The following COX15 variants were observed in gnomAD, a reference collection of about 807,000 sequenced individuals.
COX15 encodes cytochrome c oxidase assembly factor COX15.
COX15 carries 51 observed loss-of-function variants against 51.9 expected under a neutral mutation model. The observed-to-expected ratio is 0.98, with a 90% CI of 0.78 to 1.24. COX15 has a LOEUF of 1.24. COX15 is among the 50% of genes most tolerant of loss of function. The pLI is 0.00. For synonymous variants in COX15, 188 were observed against 190.5 expected (o/e 0.99, Z 0.11); for missense variants, 420 against 501.1 (o/e 0.84, Z 1.55).
rs538164864 is a variant in COX15 at position 99,725,688 on chromosome 10, T to C, written c.582+1280A>G. On this transcript the variant is annotated intron_variant, in intron 4 of 8. Transcript: ENST00000016171. ...AATTCTTCTGCCTCAGCCTCCGAAA[T>C]AGCTGGGACTACAGGCCCACGCCAG... Among the ~76,000 whole-genome samples, 60 of 152,308 alleles carry C rather than the reference T, an allele frequency of 3.9e-4. No individual in the cohort carries two copies. The East Asian group carries it at 0.011, about 28-fold the overall frequency.
At chr10:99,723,421 C>T (rs2036843444) in intron 5 of COX15, among the ~76,000 whole-genome samples, 1 of 151,968 alleles carries the variant, frequency 6.6e-6, no homozygotes, top group African/African-American at 2.4e-5. Context: ...GGATTACAGG[C>T]GTGAGCCACC....
chr10:99,704,197 C>G, the COX15 span, among the ~76,000 whole-genome samples: 1 of 152,160 alleles, frequency 6.6e-6, no homozygotes, highest in Non-Finnish European at 1.5e-5. Context: ...ATTTCAAAGG[C>G]CTTCCCATCT....
chr10:99,715,054 T>C (rs2036523108), intron 8 of COX15, among the ~76,000 whole-genome samples: 1 of 152,248 alleles, frequency 6.6e-6, no homozygotes, highest in Non-Finnish European at 1.5e-5. Context: ...ACTTGCTTTT[T>C]TTCACTTAGC....
In COX15 at chr10:99,720,951, A is replaced by G. The variant is rs551836406; in HGVS notation, c.832+36T>C. The G allele has an allele frequency of 1.1e-5, 18 of 1,567,282 alleles. No homozygotes were observed. In the Admixed American group the frequency reaches 2.2e-4, roughly 19 times the overall value. On this transcript the variant is annotated intron_variant, in intron 6 of 8. Coordinates refer to ENST00000016171, the MANE Select transcript of COX15 (RefSeq NM_078470.6). ...GCAAGAGGTCCCAGCTTAGAGTGCA[A>G]TGCAAACAGGTCATCTTTGATGAGC...
the COX15 span, among the ~76,000 whole-genome samples, chr10:99,703,912 G>T: frequency 6.6e-6 from 1 of 152,106 alleles, no homozygotes; most frequent in African/African-American, 2.4e-5. Context: ...CTTTTGCAGA[G>T]ATGGGGTCTT....
chr10:99,711,993 A>C lies in COX15; in HGVS notation c.*2594T>G, dbSNP rs1470572029. ...GGGAGCCAGTGTGTCACATGGTGAG[A>C]GAGAGCAAGCGAGAGAGGAGGAAGT... On this transcript the variant is annotated 3_prime_UTR_variant, in exon 9 of 9. Transcript: ENST00000016171. 5 of 311,576 alleles carry C rather than the reference A, an allele frequency of 1.6e-5. No individual in the cohort carries two copies. 19.3% of individuals were successfully genotyped at this position (311,576 alleles called of 1,614,324 possible). A position where few individuals can be genotyped will look rare whatever the true frequency, so the allele number is the denominator to read the frequency against.
downstream of COX15, chr10:99,710,508 CTG>C (rs1564641429): frequency 2.0e-6 from 2 of 985,248 alleles, no homozygotes; most frequent in African/African-American, 3.5e-5. Context: ...TGTTAAGACT[CTG>C]TTTTTTCTAC....
At position 99,716,444 on chromosome 10, in the gene COX15, A is replaced by C. The variant is rs2036582541; in HGVS notation, c.1005T>G (p.Thr335=). 1.2e-6 allele frequency: 2 copies of C among 1,611,790 alleles called. No homozygotes were observed. Among genetic ancestry groups the C allele is most frequent in the Non-Finnish European group, 1.7e-6 (2 of 1,178,130 alleles). The change falls in exon 8 of 9, where the codon ACT becomes ACG. Residue 335 remains threonine (T), a synonymous_variant. Transcript: ENST00000016171. ...DHRILGITSV[T]AITVLYFLSR... is the part of the protein sequence containing the mutation. ...AGAGGAAGTAGAGCACTGTAATGGC[A>C]GTGACTGAAGTGATTCCCTGCAGGG...
In COX15 at chr10:99,721,013, C is replaced by T; in HGVS notation, c.806G>A (p.Gly269Asp). 1 of 1,613,782 alleles carries T rather than the reference C, an allele frequency of 6.2e-7. No individual in the cohort carries two copies. ...TGAGAGGGCCGTAAGGAACACCAGACCTGCTGTTCCATGAGCAAATCGTCT... is the reference window on the plus strand; with the variant it reads ...TGAGAGGGCCGTAAGGAACACCAGATCTGCTGTTCCATGAGCAAATCGTCT... ...QLRRFAHGTA[G>D]LVFLTALSGA... The change falls in exon 6 of 9, where the codon GGT (glycine) becomes GAT (aspartate). Residue 269 changes from glycine to aspartate, a missense_variant. Physicochemically the swap from Gly to Asp is moderately conservative, Grantham distance 94. Coordinates refer to ENST00000016171, the MANE Select transcript of COX15 (RefSeq NM_078470.6).
the COX15 span, chr10:99,696,243 C>A: frequency 3.3e-6 from 4 of 1,200,420 alleles, no homozygotes; most frequent in African/African-American, 3.1e-5. Context: ...TCTGACTACC[C>A]CTGCCAATGG....
chr10:99,702,795 C>T, the COX15 span: 1 of 850,716 alleles, frequency 1.2e-6, no homozygotes, highest in Non-Finnish European at 1.6e-6. Context: ...ACCTTCCTCT[C>T]TACCCCCTCA....
chr10:99,728,298 A>C (rs2037027018), intron 2 of COX15, among the ~76,000 whole-genome samples: 1 of 152,208 alleles, frequency 6.6e-6, no homozygotes, highest in Admixed American at 6.5e-5. Context: ...CAAATCACTA[A>C]CACCATCATC....
Position 99,723,840 on chromosome 10 carries a change from G to T in COX15, c.750+116C>A, listed in dbSNP as rs952841408. 4 of 1,187,034 alleles carry T rather than the reference G, an allele frequency of 3.4e-6. No individual in the cohort carries two copies. In the African/African-American group the frequency reaches 4.5e-5, roughly 13 times the overall value. The allele number at this position is 1,187,034 out of a possible 1,614,324, so 73.5% of individuals were successfully genotyped here. ...TCAATTTGTTTCACCTTTGCCAATA[G>T]AAAATGTTGGCAAAATATTCAACTC... On this transcript the variant is annotated intron_variant, in intron 5 of 8. Coordinates refer to ENST00000016171, the MANE Select transcript of COX15 (RefSeq NM_078470.6).
the COX15 span, chr10:99,698,402 C>T: frequency 1.2e-6 from 1 of 847,496 alleles, no homozygotes; most frequent in Non-Finnish European, 1.8e-6. Context: ...TGAAATTGCA[C>T]TCCATCCTCG....
chr10:99,718,531 A>T (rs769672991), intron 6 of COX15, 31 bp from the exon 7 acceptor site: 1 of 1,613,042 alleles, frequency 6.2e-7, no homozygotes, highest in Non-Finnish European at 8.5e-7. Context: ...TATTTATTAA[A>T]ATGAGAGGAA....
intron 8 of COX15, 111 bp from the exon 9 acceptor site, chr10:99,714,829 C>T (rs191990222): frequency 6.4e-7 from 1 of 1,560,886 alleles, no homozygotes; most frequent in Admixed American, 1.8e-5. Flanking sequence ...TATCAGAGCA[C>T]TTAAAATACA....
chr10:99,706,100 A>G (rs1013065518), downstream of COX15: 38 of 152,226 alleles, frequency 2.5e-4, no homozygotes, highest in African/African-American at 7.7e-4. Context: ...AATAGGGGAA[A>G]AAGTCCCTGG....
chr10:99,706,384 A>T (rs2036253517), downstream of COX15: 2 of 151,240 alleles, frequency 1.3e-5, no homozygotes, highest in Non-Finnish European at 2.9e-5. Context: ...CCCAGGCTGG[A>T]GTGCAGTTGT....
chr10:99,722,260 C>G (rs946200995), intron 5 of COX15, among the ~76,000 whole-genome samples: 1 of 152,126 alleles, frequency 6.6e-6, no homozygotes, highest in Non-Finnish European at 1.5e-5. Flanking sequence ...ATCTCAAATC[C>G]TTTTTGTAAT....
Sources: allele counts gnomAD v4.1 joint callset (sites outside exome capture counted in the v4.1 genomes callset), GRCh38; gene constraint gnomAD v4.1.1; transcripts MANE v1.5; gene names NCBI Gene and HGNC (gene_info 2026-07-23, HGNC 2026-07-21).